Variants in BMPER observed in about 807,000 individuals in gnomAD.
BMPER encodes BMP-binding endothelial regulator protein.
Under a neutral mutation model 87.3 loss-of-function variants are expected in BMPER, and 45 were observed. The observed-to-expected ratio is 0.52, with a 90% CI of 0.41 to 0.66. BMPER has a LOEUF of 0.66. Among genes scored for constraint, BMPER ranks in the 30% least tolerant of loss-of-function variants. The pLI, the probability that BMPER is intolerant of heterozygous loss-of-function variation, is 0.00. For missense variants in BMPER, 784 were observed against 867.5 expected, an observed-to-expected ratio of 0.90 and a Z score of 1.21; for synonymous variants, 326 against 316.2, an observed-to-expected ratio of 1.03 and a Z score of -0.33.
At chr7:34,036,453 G>A (rs1255647675) in intron 6 of BMPER, among the ~76,000 whole-genome samples, 1 of 152,178 alleles carries the variant, frequency 6.6e-6, no homozygotes, top group Non-Finnish European at 1.5e-5. Flanking sequence ...TCAGAGGCAT[G>A]GCAGGAGCTG....
chr7:33,922,825 T>G (rs1784268369), intron 2 of BMPER, among the ~76,000 whole-genome samples: 1 of 152,222 alleles, frequency 6.6e-6, no homozygotes. Context: ...TAAATATTTT[T>G]TTTTTACTAA....
intron 6 of BMPER, among the ~76,000 whole-genome samples, chr7:34,009,669 A>G (rs1423556550): frequency 6.6e-6 from 1 of 151,960 alleles, no homozygotes; most frequent in Admixed American, 6.6e-5. Context: ...GCTCTTTTGG[A>G]AGAGGGGAGG....
intron 2 of BMPER, among the ~76,000 whole-genome samples, chr7:33,919,231 G>A (rs1784159157): frequency 6.6e-6 from 1 of 152,154 alleles, no homozygotes; most frequent in Non-Finnish European, 1.5e-5. Context: ...GTCTGATGTT[G>A]ACCTATAGGA....
chr7:33,913,134 T>C (rs1784001545), intron 2 of BMPER, among the ~76,000 whole-genome samples: 1 of 152,176 alleles, frequency 6.6e-6, no homozygotes, highest in Non-Finnish European at 1.5e-5. Flanking sequence ...CAGTGAATTC[T>C]GACTAGGGTA....
intron 6 of BMPER, among the ~76,000 whole-genome samples, chr7:33,975,629 A>G (rs1411993101): frequency 6.6e-6 from 1 of 152,174 alleles, no homozygotes; most frequent in Non-Finnish European, 1.5e-5. Context: ...TACAGTAGGG[A>G]GTTAGTACAA....
At chr7:33,929,443 G>C (rs1784431865) in intron 2 of BMPER, among the ~76,000 whole-genome samples, 1 of 152,156 alleles carries the variant, frequency 6.6e-6, no homozygotes, top group Admixed American at 6.5e-5. Flanking sequence ...TTTTAAGTCA[G>C]AGATTTAATC....
chr7:34,133,217 G>A (rs559642660), intron 13 of BMPER, among the ~76,000 whole-genome samples: 96 of 152,224 alleles, frequency 6.3e-4, no homozygotes, highest in African/African-American at 2.2e-3. Context: ...TAGAGGGTTG[G>A]ACTTTCAGCC....
intron 8 of BMPER, among the ~76,000 whole-genome samples, chr7:34,052,615 A>C (rs1244537620): frequency 6.6e-6 from 1 of 152,246 alleles, no homozygotes; most frequent in Non-Finnish European, 1.5e-5. Flanking sequence ...AGGATTATTC[A>C]TTAGTGAGTT....
At chr7:33,994,326 G>A (rs189361790) in intron 6 of BMPER, among the ~76,000 whole-genome samples, 6 of 152,174 alleles carry the variant, frequency 3.9e-5, no homozygotes, top group African/African-American at 7.2e-5. Context: ...CTCGTGATGC[G>A]CTGTTTTTTA....
chr7:34,024,545 C>T (rs1173697650), intron 6 of BMPER, among the ~76,000 whole-genome samples: 2 of 149,062 alleles, frequency 1.3e-5, no homozygotes, highest in African/African-American at 5.0e-5. Flanking sequence ...TCCTGTTCCT[C>T]ATAGGTGACC....
At chr7:34,133,527 A>C (rs970898994) in intron 13 of BMPER, among the ~76,000 whole-genome samples, 8 of 152,144 alleles carry the variant, frequency 5.3e-5, no homozygotes, top group African/African-American at 1.9e-4. Context: ...CTTTGTAATC[A>C]ACTGGGCAAC....
intron 12 of BMPER, among the ~76,000 whole-genome samples, chr7:34,080,832 T>C (rs1788993746): frequency 6.6e-6 from 1 of 152,204 alleles, no homozygotes; most frequent in Admixed American, 6.5e-5. Flanking sequence ...TAGTGTTCCA[T>C]TCGCAGCTGA....
chr7:33,936,171 T>G (rs2128608945), intron 2 of BMPER, among the ~76,000 whole-genome samples: 1 of 152,288 alleles, frequency 6.6e-6, no homozygotes, highest in South Asian at 2.1e-4. Flanking sequence ...TTTTCTCAAA[T>G]TTGTTATCAG....
At chr7:34,004,382 C>T (rs1786669384) in intron 6 of BMPER, among the ~76,000 whole-genome samples, 3 of 152,092 alleles carry the variant, frequency 2.0e-5, no homozygotes, top group African/African-American at 7.2e-5. Context: ...AGTCCAACCT[C>T]AGGGCTTTCA....
At chr7:34,056,407 A>T (rs1043150643) in intron 9 of BMPER, among the ~76,000 whole-genome samples, 3 of 152,180 alleles carry the variant, frequency 2.0e-5, no homozygotes, top group Admixed American at 6.5e-5. Flanking sequence ...TAAAATAAAA[A>T]AAATTAAAAA....
At chr7:33,948,539 G>A (rs1233828973) in intron 3 of BMPER, among the ~76,000 whole-genome samples, 3 of 152,178 alleles carry the variant, frequency 2.0e-5, no homozygotes, top group Admixed American at 2.0e-4. Flanking sequence ...CTTCAGTGTT[G>A]GAGGAGGCAC....
chr7:34,116,710 C>G (rs904686088), intron 13 of BMPER, among the ~76,000 whole-genome samples: 8 of 152,338 alleles, frequency 5.3e-5, no homozygotes, highest in African/African-American at 1.9e-4. Flanking sequence ...GCCATCCTGG[C>G]TGGGCGCTGT....
chr7:34,072,849 G>A (rs922446405), intron 11 of BMPER, among the ~76,000 whole-genome samples: 2 of 152,186 alleles, frequency 1.3e-5, no homozygotes, highest in African/African-American at 4.8e-5. Flanking sequence ...TTTTAGTAGG[G>A]TAGGTTATCC....
At chr7:34,016,253 C>A (rs1787024087) in intron 6 of BMPER, among the ~76,000 whole-genome samples, 1 of 151,928 alleles carries the variant, frequency 6.6e-6, no homozygotes, top group Admixed American at 6.6e-5. Context: ...GCTCAAAGAT[C>A]CTTTGATCCG....
Sources: gnomAD v4.1 joint callset for allele counts (sites outside exome capture counted in the v4.1 genomes callset) on GRCh38, gnomAD v4.1.1 for gene constraint, MANE v1.5 for transcripts, NCBI Gene and HGNC (gene_info 2026-07-23, HGNC 2026-07-21) for gene names.